PLCE1: variants seen among roughly 807,000 people sequenced by gnomAD.
PLCE1 encodes the protein phospholipase C epsilon 1.
In PLCE1, 119 loss-of-function variants were observed where a neutral mutation model predicts 242.8. That is an observed-to-expected ratio of 0.49 (90% CI 0.42 to 0.57). PLCE1 has a LOEUF of 0.57. Ranked by LOEUF, PLCE1 falls within the 20% of genes least tolerant of loss-of-function variation. The pLI, the probability that PLCE1 is intolerant of heterozygous loss-of-function variation, is 0.00. For synonymous variants in PLCE1, 945 were observed against 1,017.4 expected (o/e 0.93, Z 1.35); for missense variants, 2,441 against 2,788.8 (o/e 0.88, Z 2.81).
At chr10:94,107,337 A>AC (rs1479062539) in intron 2 of PLCE1, among the ~76,000 whole-genome samples, 1 of 151,858 alleles carries the variant, frequency 6.6e-6, no homozygotes, top group Non-Finnish European at 1.5e-5. Flanking sequence ...CCTTCATGCC[A>AC]CCCCCCTTGC....
Position 94,028,092 on chromosome 10 carries a change from C to T in PLCE1, c.-364-2591C>T, listed in dbSNP as rs549108491. On this transcript the variant is annotated intron_variant, in intron 1 of 32. Transcript: ENST00000371380. Reference sequence around the variant, plus strand: ...TTCTTTGCTTTGGTTTCTACTCTTTCAAATGTGGATAGCAGAAATTATTTG... The same window carrying T: ...TTCTTTGCTTTGGTTTCTACTCTTTTAAATGTGGATAGCAGAAATTATTTG... Among the ~76,000 whole-genome samples, 158 of 152,268 alleles carry T rather than the reference C, an allele frequency of 1.0e-3. 2 individuals are homozygous for T. Among genetic ancestry groups the T allele is most frequent in the Non-Finnish European group, 2.1e-3 (141 of 68,012 alleles).
At chr10:94,076,690 AC>A (rs2044512663) in intron 2 of PLCE1, among the ~76,000 whole-genome samples, 1 of 151,690 alleles carries the variant, frequency 6.6e-6, no homozygotes, top group Non-Finnish European at 1.5e-5. Flanking sequence ...AGACTGGAAT[AC>A]TTCCAGTCTG....
intron 2 of PLCE1, among the ~76,000 whole-genome samples, chr10:94,075,934 C>T (rs549113260): frequency 2.4e-4 from 37 of 152,318 alleles, no homozygotes; most frequent in African/African-American, 7.9e-4. Flanking sequence ...ATGCTGAATA[C>T]ATGAGTTCAT....
chr10:94,170,242 C>T (rs1057455456), intron 3 of PLCE1, among the ~76,000 whole-genome samples: 5 of 152,088 alleles, frequency 3.3e-5, no homozygotes, highest in Non-Finnish European at 7.3e-5. Context: ...CTCAGGTGAC[C>T]ACAAAACTGT....
At chr10:94,220,376 TTATA>T (rs59633337) in intron 4 of PLCE1, among the ~76,000 whole-genome samples, 889 of 61,852 alleles carry the variant, frequency 0.014, 10 homozygotes, top group East Asian at 0.042. Context: ...ACTAAACATT[TTATA>T]TATATATATA....
intron 23 of PLCE1, among the ~76,000 whole-genome samples, chr10:94,296,880 C>CT (rs1187850868): frequency 1.5e-3 from 228 of 147,214 alleles, no homozygotes; most frequent in African/African-American, 3.6e-3. Flanking sequence ...TTCTTTCTTT[C>CT]TTTTTTTTTT....
At chr10:94,268,861 G>A in intron 16 of PLCE1, 68 bp from the exon 17 acceptor site, 1 of 854,754 alleles carries the variant, frequency 1.2e-6, no homozygotes, top group Non-Finnish European at 2.0e-6. Flanking sequence ...AGAACTACAT[G>A]CTGGGTTTAG....
chr10:94,049,347 G>A (rs1321790351), intron 2 of PLCE1, among the ~76,000 whole-genome samples: 1 of 152,094 alleles, frequency 6.6e-6, no homozygotes, highest in African/African-American at 2.4e-5. Context: ...TGTATATGGT[G>A]TGACGTAGGC....
At chr10:94,059,864 C>T (rs1382389241) in intron 2 of PLCE1, among the ~76,000 whole-genome samples, 1 of 152,158 alleles carries the variant, frequency 6.6e-6, no homozygotes, top group Non-Finnish European at 1.5e-5. Context: ...TATTTCAACC[C>T]AAGCACTTGG....
At chr10:94,138,747 A>AC in intron 3 of PLCE1, 1 of 249,604 alleles carries the variant, frequency 4.0e-6, no homozygotes, top group Admixed American at 5.1e-5. Context: ...CTCCCATATA[A>AC]TGACTACTTC....
intron 2 of PLCE1, among the ~76,000 whole-genome samples, chr10:94,095,322 TTC>T (rs2045265434): frequency 8.4e-6 from 1 of 119,226 alleles, no homozygotes; most frequent in Non-Finnish European, 1.6e-5. Flanking sequence ...GCCTTTCAAT[TTC>T]TTTCTTTCTT....
intron 4 of PLCE1, among the ~76,000 whole-genome samples, chr10:94,182,094 GTTT>G (rs550150974): frequency 4.6e-5 from 6 of 131,368 alleles, no homozygotes; most frequent in Non-Finnish European, 9.9e-5. Context: ...TTTTCTTTCT[GTTT>G]TTTTTTTTTT....
intron 18 of PLCE1, among the ~76,000 whole-genome samples, chr10:94,271,119 G>A (rs531265817): frequency 6.6e-6 from 1 of 152,116 alleles, no homozygotes; most frequent in South Asian, 2.1e-4. Context: ...TTCAGCTGGA[G>A]TGATATAAGT....
chr10:94,154,912 T>A (rs1424822225), intron 3 of PLCE1, among the ~76,000 whole-genome samples: 2 of 146,780 alleles, frequency 1.4e-5, no homozygotes, highest in African/African-American at 2.5e-5. Flanking sequence ...ATATATATAT[T>A]TATTTAAAAC....
At chr10:94,289,808 T>G (rs1362226061) in intron 22 of PLCE1, among the ~76,000 whole-genome samples, 1 of 152,184 alleles carries the variant, frequency 6.6e-6, no homozygotes, top group Non-Finnish European at 1.5e-5. Flanking sequence ...CCTGGGACAT[T>G]ACTGTACATG....
At position 94,306,584 on chromosome 10, in the gene PLCE1, A is replaced by T; in HGVS notation, c.5780A>T (p.His1927Leu). The change falls in exon 26 of 33, where the codon CAC becomes CTC. Residue 1927 changes from histidine to leucine, a missense_variant. Transcript: ENST00000371380. This position sits in a 1 kb window ranked among gnomAD's most constrained non-coding sequence, Gnocchi z 5.7. ...NPMWNEQFLF[H>L]VHFEDLVFLR... ...ATGTGGAACGAGCAGTTTCTGTTCC[A>T]CGTTCACTTCGAAGATCTTGTATTT... is the stretch of plus-strand genomic sequence containing the variant. The T allele has an allele frequency of 6.2e-7, 1 of 1,613,878 alleles. No homozygotes were observed. The highest frequency in any genetic ancestry group is 8.5e-7 in the Non-Finnish European group (1 of 1,179,938).
chr10:94,217,655 C>G (rs1277807840), intron 4 of PLCE1, among the ~76,000 whole-genome samples: 1 of 152,206 alleles, frequency 6.6e-6, no homozygotes, highest in East Asian at 1.9e-4. Flanking sequence ...TTTAACTAGA[C>G]ATGGTATTTG....
intron 2 of PLCE1, among the ~76,000 whole-genome samples, chr10:94,117,505 C>G (rs1219854066): frequency 1.3e-5 from 2 of 152,192 alleles, no homozygotes; most frequent in African/African-American, 4.8e-5. Context: ...TTCATTTGTG[C>G]CGTCTTTGAC....
intron 2 of PLCE1, among the ~76,000 whole-genome samples, chr10:94,039,932 T>C (rs765319088): frequency 6.6e-6 from 1 of 152,220 alleles, no homozygotes; most frequent in Non-Finnish European, 1.5e-5. Flanking sequence ...AAGTTCATTA[T>C]CAGATATGTG....
Sources: allele counts gnomAD v4.1 joint callset (sites outside exome capture counted in the v4.1 genomes callset), GRCh38; gene constraint gnomAD v4.1.1; non-coding constraint Gnocchi (gnomAD v3.1); transcripts MANE v1.5; gene names NCBI Gene and HGNC (gene_info 2026-07-23, HGNC 2026-07-21).